KCNK6: variants seen among roughly 807,000 people sequenced by gnomAD.
KCNK6 encodes the protein potassium channel subfamily K member 6.
Under a neutral mutation model 21.9 loss-of-function variants are expected in KCNK6, and 20 were observed. The observed-to-expected ratio is 0.91, with a 90% confidence interval of 0.64 to 1.32. KCNK6 has a LOEUF of 1.32. Among genes scored for constraint, KCNK6 ranks in the 40% most tolerant of loss-of-function variants. The pLI is 0.00. For synonymous variants in KCNK6, 210 were observed against 218.0 expected (o/e 0.96, Z 0.32); for missense variants, 415 against 433.1 (o/e 0.96, Z 0.37).
In KCNK6 at chr19:38,327,964, G is replaced by A. The variant is rs574119712; in HGVS notation, c.*561G>A. The A allele has an allele frequency of 1.3e-5, 2 of 157,916 alleles. No individual in the cohort carries two copies. Among genetic ancestry groups the A allele is most frequent in the African/African-American group, 4.8e-5 (2 of 41,658 alleles). 9.8% of individuals were successfully genotyped at this position (157,916 alleles called of 1,614,324 possible). ...AGTGCTGGAGACATAGTTGGGGGTGGAGAACTGCCCTTATGGAGCTTGCAG... is the reference window on the plus strand; with the variant it reads ...AGTGCTGGAGACATAGTTGGGGGTGAAGAACTGCCCTTATGGAGCTTGCAG... On this transcript the variant is annotated 3_prime_UTR_variant, in exon 3 of 3. Transcript: ENST00000263372.
At position 38,327,669 on chromosome 19, in the gene KCNK6, C is replaced by G; in HGVS notation, c.*266C>G. 4 of 507,550 alleles carry G rather than the reference C, an allele frequency of 7.9e-6. No individual in the cohort carries two copies. Among genetic ancestry groups the G allele is most frequent in the Non-Finnish European group, 1.1e-5 (3 of 281,392 alleles). The allele number at this position is 507,550 out of a possible 1,614,324, so 31.4% of individuals were successfully genotyped here. On this transcript the variant is annotated 3_prime_UTR_variant, in exon 3 of 3. Coordinates refer to ENST00000263372, the MANE Select transcript of KCNK6 (RefSeq NM_004823.3). ...CTCTTTACACTGTGTCTCTCTGGCT[C>G]TCTGGCATTCTCGCTGCCTCTGTCT...
intron 1 of KCNK6, among the ~76,000 whole-genome samples, chr19:38,323,923 G>C (rs1969680027): frequency 6.6e-6 from 1 of 151,504 alleles, no homozygotes; most frequent in Admixed American, 6.6e-5. Flanking sequence ...GCCCATTTTT[G>C]CAGAGAGGGA....
rs1600419114 is a variant in KCNK6, at chr19:38,320,024, T to C, written c.74T>C (p.Val25Ala). ...TACCTGGTGCTGGGCGCGCTGTTGG[T>C]GGCGCGGCTGGAGGGGCCGCACGAA... ...AAYLVLGALLVARLEGPHEAR... is the reference protein window; with the variant it reads ...AAYLVLGALLAARLEGPHEAR... Residue 25 changes from valine to alanine, a missense_variant, in exon 1 of 3, where the codon GTG becomes GCG. By Grantham distance (64) the Val-to-Ala change is moderately conservative. Transcript: ENST00000263372. 12 of 1,491,922 alleles carry C rather than the reference T, an allele frequency of 8.0e-6. No homozygotes were observed. The South Asian group carries it at 1.5e-4, about 19-fold the overall frequency. The allele number at this position is 1,491,922 out of a possible 1,614,324, so 92.4% of individuals were successfully genotyped here.
Position 38,326,869 on chromosome 19 carries a change from G to A in KCNK6, c.599G>A (p.Ser200Asn). The A allele has an allele frequency of 6.2e-7, 1 of 1,611,994 alleles. No homozygotes were observed. Among genetic ancestry groups the A allele is most frequent in the Non-Finnish European group, 8.5e-7 (1 of 1,180,006 alleles). Residue 200 changes from serine (S) to asparagine (N), a missense_variant, in exon 2 of 3, where the codon AGC becomes AAC. Coordinates refer to ENST00000263372, the MANE Select transcript of KCNK6 (RefSeq NM_004823.3). ...VIFAHLEEAW[S>N]FLDAFYFCFI... is the part of the protein sequence containing the mutation. ...TTTGCCCACCTCGAGGAGGCCTGGAGCTTCTTGGATGCCTTCTACTTCTGC... is the reference window on the plus strand; with the variant it reads ...TTTGCCCACCTCGAGGAGGCCTGGAACTTCTTGGATGCCTTCTACTTCTGC...
Position 38,320,191 on chromosome 19 carries a change from T to G in KCNK6, c.241T>G (p.Ser81Ala). ...GGGGCGGGTCGTGCTTGCTAACGCT[T>G]CGGGGTCCGCCAACGCCTCGGACCC... ...RLGRVVLANA[S>A]GSANASDPAW... The change falls in exon 1 of 3, where the codon TCG becomes GCG. Residue 81 changes from serine to alanine, a missense_variant. Coordinates refer to ENST00000263372, the MANE Select transcript of KCNK6 (RefSeq NM_004823.3). 6.2e-7 allele frequency: 1 copy of G among 1,601,592 alleles called. No homozygotes were observed. The highest frequency in any genetic ancestry group is 8.5e-7 in the Non-Finnish European group (1 of 1,179,532).
rs1486311328 is a variant in KCNK6, at chr19:38,326,853, C to A, written c.583C>A (p.Leu195Ile). Reference protein sequence around the residue: ...FLVPAVIFAHLEEAWSFLDAF... With the variant: ...FLVPAVIFAHIEEAWSFLDAF... ...GGTGCCGGCTGTGATCTTTGCCCACCTCGAGGAGGCCTGGAGCTTCTTGGA... is the reference window on the plus strand; with the variant it reads ...GGTGCCGGCTGTGATCTTTGCCCACATCGAGGAGGCCTGGAGCTTCTTGGA... Residue 195 changes from leucine (L) to isoleucine (I), a missense_variant, in exon 2 of 3, where the codon CTC becomes ATC. Coordinates refer to ENST00000263372, the MANE Select transcript of KCNK6 (RefSeq NM_004823.3). 1 of 1,611,464 alleles carries A rather than the reference C, an allele frequency of 6.2e-7. No homozygotes were observed. The highest frequency in any genetic ancestry group is 1.1e-5 in the South Asian group (1 of 91,086).
rs1969739020 is a variant in KCNK6 at position 38,328,778 on chromosome 19, TTGAGGCTGCAGTGAGTTA to T, written c.*1379_*1396del. On this transcript the variant is annotated 3_prime_UTR_variant, in exon 3 of 3. Transcript: ENST00000263372. ...GGAAGGATCACTTGAGGCCAGGAGTTTGAGGCTGCAGTGAGTTATGATGGCACTGCTGCACTCCAGCCT... is the reference window on the plus strand; with the variant it reads ...GGAAGGATCACTTGAGGCCAGGAGTTTGATGGCACTGCTGCACTCCAGCCT... 1 of 151,674 alleles carries T rather than the reference TTGAGGCTGCAGTGAGTTA, an allele frequency of 6.6e-6. No homozygotes were observed. Among genetic ancestry groups the T allele is most frequent in the South Asian group, 2.1e-4 (1 of 4,834 alleles). 9.4% of individuals were successfully genotyped at this position (151,674 alleles called of 1,614,324 possible).
intron 1 of KCNK6, among the ~76,000 whole-genome samples, chr19:38,320,635 G>T (rs112827305): frequency 0.14 from 21,293 of 151,488 alleles, 1,799 homozygotes; most frequent in South Asian, 0.21. Flanking sequence ...CTCGGATCAC[G>T]GCAGCCTCCG....
At position 38,327,664 on chromosome 19, in the gene KCNK6, T is replaced by C; in HGVS notation, c.*261T>C. ...TCATCCTCTTTACACTGTGTCTCTC[T>C]GGCTCTCTGGCATTCTCGCTGCCTC... On this transcript the variant is annotated 3_prime_UTR_variant, in exon 3 of 3. Transcript: ENST00000263372. 3.9e-6 allele frequency: 2 copies of C among 517,134 alleles called. No individual in the cohort carries two copies. Among genetic ancestry groups the C allele is most frequent in the Non-Finnish European group, 7.0e-6 (2 of 287,062 alleles). The allele number at this position is 517,134 out of a possible 1,614,324, so 32.0% of individuals were successfully genotyped here. A position where few individuals can be genotyped will look rare whatever the true frequency, so the allele number is the denominator to read the frequency against.
chr19:38,323,445 T>C (rs1421912941), intron 1 of KCNK6, among the ~76,000 whole-genome samples: 2 of 152,222 alleles, frequency 1.3e-5, no homozygotes, highest in Non-Finnish European at 2.9e-5. Context: ...TGGGCAGCCT[T>C]GCTGCACTTG....
rs555738978 is a variant in KCNK6, at chr19:38,327,258, C to T, written c.797C>T (p.Thr266Met). The change falls in exon 3 of 3, where the codon ACG (threonine) becomes ATG (methionine). Residue 266 changes from threonine to methionine, a missense_variant. Coordinates refer to ENST00000263372, the MANE Select transcript of KCNK6 (RefSeq NM_004823.3). ...CACGTGTCCGACCTCCACGGCCTCA[C>T]GGAGCTCATCCTGCTGCCCCCTCCG... ...FRHVSDLHGL[T>M]ELILLPPPCP... is the part of the protein sequence containing the mutation. 1.4e-5 allele frequency: 23 copies of T among 1,613,674 alleles called. 1 individual carries two copies. Among genetic ancestry groups the T allele is most frequent in the South Asian group, 5.5e-5 (5 of 91,086 alleles).
At chr19:38,326,480 G>A (rs1357665399) in intron 1 of KCNK6, 113 bp from the exon 2 acceptor site, 1 of 1,264,196 alleles carries the variant, frequency 7.9e-7, no homozygotes, top group Non-Finnish European at 1.1e-6. Context: ...AGGTCCAGGA[G>A]TTCAAGACTG....
intron 1 of KCNK6, among the ~76,000 whole-genome samples, chr19:38,320,546 C>CTT (rs35248793): frequency 1.6e-4 from 23 of 145,786 alleles, no homozygotes; most frequent in African/African-American, 4.0e-4. Context: ...GTTCCTCGGT[C>CTT]TTTTTTTTTT....
intron 1 of KCNK6, among the ~76,000 whole-genome samples, chr19:38,325,922 G>A (rs563626325): frequency 1.2e-4 from 18 of 152,244 alleles, no homozygotes; most frequent in South Asian, 8.3e-4. Context: ...TGGCTGAACA[G>A]ATTGTAGGGG....
Position 38,329,977 on chromosome 19 carries a change from T to G in KCNK6, c.*2574T>G, listed in dbSNP as rs1969754121. The G allele has an allele frequency of 6.6e-6, 1 of 152,354 alleles. No individual in the cohort carries two copies. The highest frequency in any genetic ancestry group is 1.5e-5 in the Non-Finnish European group (1 of 68,180). The allele number at this position is 152,354 out of a possible 1,614,324, so 9.4% of individuals were successfully genotyped here. A position where few individuals can be genotyped will look rare whatever the true frequency, so the allele number is the denominator to read the frequency against. On this transcript the variant is annotated 3_prime_UTR_variant, in exon 3 of 3. Coordinates refer to ENST00000263372, the MANE Select transcript of KCNK6 (RefSeq NM_004823.3). Reference sequence around the variant, plus strand: ...AAAGAGCAGGTTTTAGCGGAGACGCTGAGGCTGCTTTAGAATATGGTGGGT... The same window carrying G: ...AAAGAGCAGGTTTTAGCGGAGACGCGGAGGCTGCTTTAGAATATGGTGGGT...
rs56670678 is a variant in KCNK6, at chr19:38,329,238, A to AAAAAG, written c.*1838_*1839insAGAAA. On this transcript the variant is annotated 3_prime_UTR_variant, in exon 3 of 3. Coordinates refer to ENST00000263372, the MANE Select transcript of KCNK6 (RefSeq NM_004823.3). ...CAGCAAGACTCCGTCTCAAAAAAAA[A>AAAAAG]AAAGAAAGAAAGAAAAGAAAAGAAG... is the stretch of plus-strand genomic sequence containing the variant. 35 of 148,802 alleles carry AAAAAG rather than the reference A, an allele frequency of 2.4e-4. No homozygotes were observed. Among genetic ancestry groups the AAAAAG allele is most frequent in the East Asian group, 8.2e-4 (4 of 4,866 alleles). 9.2% of individuals were successfully genotyped at this position (148,802 alleles called of 1,614,324 possible). A position where few individuals can be genotyped will look rare whatever the true frequency, so the allele number is the denominator to read the frequency against.
At position 38,319,914 on chromosome 19, in the gene KCNK6, G is replaced by T; in HGVS notation, c.-37G>T. ...GTCCGGAGGCGGGGGCCACGTCAGC[G>T]GGGCCACCCAGGGCTCGCGGGGTCC... On this transcript the variant is annotated 5_prime_UTR_variant, in exon 1 of 3. Transcript: ENST00000263372. The T allele has an allele frequency of 7.3e-7, 1 of 1,376,966 alleles. No homozygotes were observed. The highest frequency in any genetic ancestry group is 3.0e-5 in the East Asian group (1 of 32,914). The allele number at this position is 1,376,966 out of a possible 1,614,324, so 85.3% of individuals were successfully genotyped here. A position where few individuals can be genotyped will look rare whatever the true frequency, so the allele number is the denominator to read the frequency against.
chr19:38,321,780 G>A (rs975041574), intron 1 of KCNK6, among the ~76,000 whole-genome samples: 3 of 152,160 alleles, frequency 2.0e-5, no homozygotes, highest in South Asian at 2.1e-4. Flanking sequence ...CTGCCAGGGC[G>A]GCCTGACCTG....
rs1969749771 is a variant in KCNK6 at position 38,329,380 on chromosome 19, C to G, written c.*1977C>G. The G allele has an allele frequency of 6.6e-6, 1 of 151,930 alleles. No homozygotes were observed. The highest frequency in any genetic ancestry group is 2.4e-5 in the African/African-American group (1 of 41,332). The allele number at this position is 151,930 out of a possible 1,614,324, so 9.4% of individuals were successfully genotyped here. A position where few individuals can be genotyped will look rare whatever the true frequency, so the allele number is the denominator to read the frequency against. ...CAAGCCTGGCCAACATAGCAAGACC[C>G]CATCTCTACAAAAATAAAAATTTTA... is the stretch of plus-strand genomic sequence containing the variant. On this transcript the variant is annotated 3_prime_UTR_variant, in exon 3 of 3. Transcript: ENST00000263372.
Sources: allele counts gnomAD v4.1 joint callset (sites outside exome capture counted in the v4.1 genomes callset), GRCh38; gene constraint gnomAD v4.1.1; transcripts MANE v1.5; gene names NCBI Gene and HGNC (gene_info 2026-07-23, HGNC 2026-07-21).